TEKT1: variants seen among roughly 807,000 people sequenced by gnomAD.
TEKT1 encodes the protein tektin 1.
In TEKT1, 32 loss-of-function variants were observed where a neutral mutation model predicts 34.8. The ratio of observed to expected loss-of-function variants is 0.92; its 90% CI spans 0.69 to 1.23. TEKT1 has a LOEUF of 1.23. Among genes scored for constraint, TEKT1 ranks in the 50% most tolerant of loss-of-function variants. The pLI, the probability that TEKT1 is intolerant of heterozygous loss-of-function variation, is 0.00. For synonymous variants in TEKT1, 207 were observed against 199.8 expected, an observed-to-expected ratio of 1.04 and a Z score of -0.30; for missense variants, 492 against 518.5, an observed-to-expected ratio of 0.95 and a Z score of 0.50.
chr17:6,804,591 G>T (rs1976820634), intron 6 of TEKT1, among the ~76,000 whole-genome samples: 1 of 152,222 alleles, frequency 6.6e-6, no homozygotes, highest in Admixed American at 6.5e-5. Context: ...GATATTGGCT[G>T]TGGGTTTCTT....
intron 6 of TEKT1, among the ~76,000 whole-genome samples, chr17:6,805,893 G>A (rs1359524585): frequency 2.3e-4 from 35 of 152,242 alleles, no homozygotes; most frequent in Non-Finnish European, 1.5e-5. Flanking sequence ...CCAACTTTGT[G>A]GTCAATTTTG....
In TEKT1 at chr17:6,808,061, A is replaced by G. The variant is rs141276612; in HGVS notation, c.852+4770T>C. 5.8e-3 allele frequency among the ~76,000 whole-genome samples: 884 copies of G among 152,292 alleles called. 7 individuals carry two copies. The highest frequency in any genetic ancestry group is 0.017 in the Middle Eastern group (5 of 294). On this transcript the variant is annotated intron_variant, in intron 6 of 7. Coordinates refer to ENST00000338694, the MANE Select transcript of TEKT1 (RefSeq NM_053285.2). The stretch of plus-strand genomic sequence containing the variant: ...CTTTTGTTTGGCAGTACCCTCCCCC[A>G]GAGGTGGAGTCTACAGAGGCAGGCA...
chr17:6,831,220 C>T (rs1393597371), intron 1 of TEKT1, among the ~76,000 whole-genome samples: 6 of 152,200 alleles, frequency 3.9e-5, no homozygotes, highest in African/African-American at 1.2e-4. Flanking sequence ...TTACCCATTT[C>T]ATCTTCATAC....
chr17:6,825,171 T>C (rs76723494), intron 2 of TEKT1, among the ~76,000 whole-genome samples: 7,152 of 152,210 alleles, frequency 0.047, 526 homozygotes, highest in African/African-American at 0.16. Flanking sequence ...ATTTGTGCCA[T>C]AGAATTCTAA....
At chr17:6,802,112 A>G (rs1490304260) in intron 6 of TEKT1, among the ~76,000 whole-genome samples, 3 of 152,218 alleles carry the variant, frequency 2.0e-5, no homozygotes, top group African/African-American at 7.2e-5. Context: ...CTTTAACATT[A>G]TAATAATATT....
chr17:6,801,905 A>G (rs996693191), intron 6 of TEKT1, among the ~76,000 whole-genome samples: 1 of 152,308 alleles, frequency 6.6e-6, no homozygotes, highest in Admixed American at 6.5e-5. Context: ...AATGAGCAGT[A>G]TGTGGCCAGT....
In TEKT1 at chr17:6,799,417, A is replaced by G. The variant is rs1885287388; in HGVS notation, c.*610T>C. The G allele has an allele frequency of 6.6e-6, 1 of 152,194 alleles. No homozygotes were observed. Among genetic ancestry groups the G allele is most frequent in the Admixed American group, 6.5e-5 (1 of 15,272 alleles). 9.4% of individuals were successfully genotyped at this position (152,194 alleles called of 1,614,324 possible). On this transcript the variant is annotated 3_prime_UTR_variant, in exon 8 of 8. Coordinates refer to ENST00000338694, the MANE Select transcript of TEKT1 (RefSeq NM_053285.2). ...ACATTCATTAAACACTCACTGCCCC[A>G]TGATACAGGCTCAGTATGAAGCCCT...
chr17:6,828,209 G>A (rs1904466590), intron 2 of TEKT1, among the ~76,000 whole-genome samples: 1 of 152,144 alleles, frequency 6.6e-6, no homozygotes, highest in Non-Finnish European at 1.5e-5. Flanking sequence ...CTCCCAAAGT[G>A]CTGGAATCAC....
rs562958577 is a variant in TEKT1 at position 6,798,375 on chromosome 17, C to G, written c.*1652G>C. The G allele has an allele frequency of 1.3e-5, 2 of 152,304 alleles. No individual in the cohort carries two copies. The highest frequency in any genetic ancestry group is 4.8e-5 in the African/African-American group (2 of 41,452). 9.4% of individuals were successfully genotyped at this position (152,304 alleles called of 1,614,324 possible). On this transcript the variant is annotated 3_prime_UTR_variant, in exon 8 of 8. Coordinates refer to ENST00000338694, the MANE Select transcript of TEKT1 (RefSeq NM_053285.2). The stretch of plus-strand genomic sequence containing the variant: ...TTTGCCCAGTGTCTTCACACCCTGC[C>G]AGCCACATCCTCTGGGACAGACCTC...
rs1247842053 is a variant in TEKT1, at chr17:6,801,506, G to A, written c.853-563C>T. On this transcript the variant is annotated intron_variant, in intron 6 of 7. Transcript: ENST00000338694. ...GGGAAGATCACGAGGTTAGGAGTTC[G>A]AGACCAGCCTGCCAACACGGTGAAA... Among the ~76,000 whole-genome samples the A allele has an allele frequency of 5.3e-5, 8 of 152,182 alleles. No individual in the cohort carries two copies. The South Asian group carries it at 6.2e-4, about 12-fold the overall frequency.
At chr17:6,824,784 C>T (rs1157784013) in intron 2 of TEKT1, among the ~76,000 whole-genome samples, 12 of 152,150 alleles carry the variant, frequency 7.9e-5, no homozygotes, top group Admixed American at 7.2e-4. Context: ...TCCCATTAAC[C>T]AGGATAGGGA....
At position 6,830,132 on chromosome 17, in the gene TEKT1, A is replaced by G. The variant is rs371192926; in HGVS notation, c.190+55T>C. 5 of 1,532,336 alleles carry G rather than the reference A, an allele frequency of 3.3e-6. No homozygotes were observed. In the African/African-American group the frequency reaches 5.6e-5, roughly 17 times the overall value. 94.9% of individuals were successfully genotyped at this position (1,532,336 alleles called of 1,614,324 possible). A position where few individuals can be genotyped will look rare whatever the true frequency, so the allele number is the denominator to read the frequency against. ...ACATCTGAACATGACACTATAGCTA[A>G]ACTCAACAGCCTCATCCTAGCATGT... On this transcript the variant is annotated intron_variant, in intron 2 of 7. Transcript: ENST00000338694.
At chr17:6,819,401 A>C (rs1243851650) in intron 2 of TEKT1, 43 bp from the exon 3 acceptor site, 2 of 1,554,616 alleles carry the variant, frequency 1.3e-6, no homozygotes, top group African/African-American at 2.7e-5. Context: ...ATCTATCCCA[A>C]GGTAGCCAAC....
At chr17:6,809,303 C>T (rs1240117522) in intron 6 of TEKT1, among the ~76,000 whole-genome samples, 1 of 152,226 alleles carries the variant, frequency 6.6e-6, no homozygotes, top group Non-Finnish European at 1.5e-5. Context: ...ATGATCTCAG[C>T]TCACTGCAAC....
At chr17:6,827,691 C>G (rs1192704721) in intron 2 of TEKT1, among the ~76,000 whole-genome samples, 3 of 152,100 alleles carry the variant, frequency 2.0e-5, no homozygotes, top group Admixed American at 6.6e-5. Context: ...TGAAGGGAAT[C>G]AACACTTTTA....
At chr17:6,814,061 C>T (rs1876727600) in intron 5 of TEKT1, among the ~76,000 whole-genome samples, 1 of 151,782 alleles carries the variant, frequency 6.6e-6, no homozygotes, top group African/African-American at 2.4e-5. Context: ...AACCAAGGCC[C>T]ACCATCACCC....
At chr17:6,816,062 T>C (rs1977003857) in intron 3 of TEKT1, 100 bp from the exon 4 acceptor site, 5 of 1,502,246 alleles carry the variant, frequency 3.3e-6, no homozygotes, top group Non-Finnish European at 3.6e-6. Flanking sequence ...CACGACTGAT[T>C]TGAGTGTCAC....
intron 6 of TEKT1, among the ~76,000 whole-genome samples, chr17:6,804,104 C>A (rs1404374306): frequency 2.6e-4 from 39 of 150,512 alleles, no homozygotes; most frequent in Admixed American, 4.0e-4. Flanking sequence ...ATGGAATGTT[C>A]TTCCATTTGT....
At chr17:6,808,537 A>G (rs1976881879) in intron 6 of TEKT1, among the ~76,000 whole-genome samples, 1 of 152,132 alleles carries the variant, frequency 6.6e-6, no homozygotes, top group Non-Finnish European at 1.5e-5. Flanking sequence ...AAACGCAGAA[A>G]TCACCCATCT....
Sources: gnomAD v4.1 joint callset for allele counts (sites outside exome capture counted in the v4.1 genomes callset) on GRCh38, gnomAD v4.1.1 for gene constraint, MANE v1.5 for transcripts, NCBI Gene and HGNC (gene_info 2026-07-23, HGNC 2026-07-21) for gene names.